The following ZC3H4 variants were observed in gnomAD, a reference collection of about 807,000 sequenced individuals.
The protein encoded by ZC3H4 is zinc finger CCCH domain-containing protein 4.
Under a neutral mutation model 108.3 loss-of-function variants are expected in ZC3H4, and 13 were observed. The ratio of observed to expected loss-of-function variants is 0.12; its 90% CI spans 0.08 to 0.19. The LOEUF is 0.19. ZC3H4 is among the 10% of genes least tolerant of loss of function. The pLI, the probability that ZC3H4 is intolerant of heterozygous loss-of-function variation, is 1.00. For missense variants in ZC3H4, 1,734 were observed against 1,838.8 expected (o/e 0.94, Z 1.04); for synonymous variants, 917 against 749.6 (o/e 1.22, Z -3.65).
chr19:47,103,301 ATTAT>A (rs377754791), intron 2 of ZC3H4, among the ~76,000 whole-genome samples: 44 of 152,188 alleles, frequency 2.9e-4, no homozygotes, highest in East Asian at 2.3e-3. Context: ...TTTGTTTATA[ATTAT>A]TTATTTATTT....
At chr19:47,068,200 A>C (rs1443166889) in intron 14 of ZC3H4, among the ~76,000 whole-genome samples, 1 of 152,254 alleles carries the variant, frequency 6.6e-6, no homozygotes, top group Non-Finnish European at 1.5e-5. Flanking sequence ...GTGCCGTTAC[A>C]TTGGAGTCAG....
chr19:47,106,415 T>C (rs2057968740), intron 2 of ZC3H4, among the ~76,000 whole-genome samples: 1 of 152,156 alleles, frequency 6.6e-6, no homozygotes, highest in Non-Finnish European at 1.5e-5. Flanking sequence ...GAGGTGCCAC[T>C]GCATTCCAGC....
chr19:47,083,052 T>C (rs2057551839), intron 9 of ZC3H4, among the ~76,000 whole-genome samples: 1 of 152,094 alleles, frequency 6.6e-6, no homozygotes, highest in African/African-American at 2.4e-5. Context: ...TTAATTTATT[T>C]ACTTATTTTT....
intron 11 of ZC3H4, among the ~76,000 whole-genome samples, chr19:47,073,889 G>A (rs993135399): frequency 1.1e-4 from 17 of 152,158 alleles, no homozygotes; most frequent in Non-Finnish European, 2.9e-5. Context: ...TGTTTTTTAT[G>A]GCTGAATCAT....
intron 2 of ZC3H4, chr19:47,111,009 C>T: frequency 1.3e-6 from 1 of 783,138 alleles, no homozygotes; most frequent in Non-Finnish European, 1.5e-6. Flanking sequence ...AGGGGTCGTA[C>T]GTACAGCCTG....
intron 3 of ZC3H4, 60 bp downstream of exon 3, chr19:47,094,329 T>C (rs1272905522): frequency 1.3e-6 from 2 of 1,589,696 alleles, no homozygotes; most frequent in East Asian, 2.2e-5. Flanking sequence ...GCTCAGCCCC[T>C]GGGGCTCTCA....
Position 47,069,257 on chromosome 19 carries a change from C to G in ZC3H4, c.2233G>C (p.Glu745Gln), listed in dbSNP as rs774732550. 71 of 1,613,802 alleles carry G rather than the reference C, an allele frequency of 4.4e-5. No homozygotes were observed. Among genetic ancestry groups the G allele is most frequent in the Non-Finnish European group, 5.8e-5 (68 of 1,179,950 alleles). The change falls in exon 14 of 15, where the codon GAG (glutamate) becomes CAG (glutamine). Residue 745 changes from glutamate to glutamine, a missense_variant. By Grantham distance (29) the Glu-to-Gln change is conservative. Coordinates refer to ENST00000253048, the MANE Select transcript of ZC3H4 (RefSeq NM_015168.2). ...TTCGGCCGGCCTGGGGGCCCTCCCT[C>G]AGAGAAGCTGTCGGGCTCCAGAGGG... is the stretch of plus-strand genomic sequence containing the variant. Reference protein sequence around the residue: ...EHPLEPDSFSEGGPPGRPKPG... With the variant: ...EHPLEPDSFSQGGPPGRPKPG...
In ZC3H4 at chr19:47,094,459, T is replaced by C. The variant is rs758254251; in HGVS notation, c.311A>G (p.Lys104Arg). ...CTCCCGCTCTTTCTTCCGTTTCCGCTTCAGTCTCCTGTGGGACTTCTCCTC... is the reference window on the plus strand; with the variant it reads ...CTCCCGCTCTTTCTTCCGTTTCCGCCTCAGTCTCCTGTGGGACTTCTCCTC... ...SDEEKSHRRL[K>R]RKRKKEREKE... The change falls in exon 3 of 15, where the codon AAG becomes AGG. Residue 104 changes from lysine to arginine, a missense_variant. Transcript: ENST00000253048. 8 of 1,614,090 alleles carry C rather than the reference T, an allele frequency of 5.0e-6. No homozygotes were observed. The South Asian group carries it at 8.8e-5, about 18-fold the overall frequency.
rs181682851 is a variant in ZC3H4 at position 47,095,648 on chromosome 19, G to C, written c.162-1040C>G. Among the ~76,000 whole-genome samples, 301 of 152,298 alleles carry C rather than the reference G, an allele frequency of 2.0e-3. 1 individual carries two copies. Among genetic ancestry groups the C allele is most frequent in the Admixed American group, 7.4e-3 (113 of 15,290 alleles). On this transcript the variant is annotated intron_variant, in intron 2 of 14. Transcript: ENST00000253048. ...ATGTAAATATCTATGGGGTGGGGTA[G>C]GAGTGAGGAAGAAATTGGGTTCAGG... is the stretch of plus-strand genomic sequence containing the variant.
chr19:47,086,398 C>T lies in ZC3H4; in HGVS notation c.856G>A (p.Glu286Lys), dbSNP rs201516068. 2.5e-6 allele frequency: 4 copies of T among 1,613,466 alleles called. No individual in the cohort carries two copies. Among genetic ancestry groups the T allele is most frequent in the Middle Eastern group, 1.6e-4 (1 of 6,084 alleles). Residue 286 changes from glutamate to lysine, a missense_variant, in exon 6 of 15, where the codon GAG (glutamate) becomes AAG (lysine). By Grantham distance (56) the Glu-to-Lys change is moderately conservative. This residue lies in a region of ZC3H4 where 403 missense variants were observed against 457.0 expected (regional missense o/e 0.88). Transcript: ENST00000253048. ...GGAAACCTTACGTCCATCTCTTCCTCGTAGAAATCCTCTTCATCCTCCGGG... is the reference window on the plus strand; with the variant it reads ...GGAAACCTTACGTCCATCTCTTCCTTGTAGAAATCCTCTTCATCCTCCGGG... The part of the protein sequence containing the change: ...DHPEDEEDFY[E>K]EEMDYGESEE...
chr19:47,074,774 G>A (rs2057389418), intron 11 of ZC3H4, among the ~76,000 whole-genome samples: 2 of 152,220 alleles, frequency 1.3e-5, no homozygotes, highest in East Asian at 1.9e-4. Flanking sequence ...CATGCCACTC[G>A]TGCTGTCACA....
In ZC3H4 at chr19:47,070,113, G is replaced by A. The variant is rs996929463; in HGVS notation, c.2147-770C>T. Among the ~76,000 whole-genome samples, 49 of 151,068 alleles carry A rather than the reference G, an allele frequency of 3.2e-4. 1 individual carries two copies. The highest frequency in any genetic ancestry group is 1.2e-3 in the African/African-American group (47 of 40,476). ...GTGTGTGACACATGTGAGCATGGGA[G>A]ACATCGAATCACCGAAACGGAGGGG... On this transcript the variant is annotated intron_variant, in intron 13 of 14. Coordinates refer to ENST00000253048, the MANE Select transcript of ZC3H4 (RefSeq NM_015168.2).
At chr19:47,102,465 C>A (rs904415163) in intron 2 of ZC3H4, among the ~76,000 whole-genome samples, 1 of 152,150 alleles carries the variant, frequency 6.6e-6, no homozygotes, top group Non-Finnish European at 1.5e-5. Context: ...GAATGAGGTA[C>A]CAAGACTTTG....
chr19:47,078,394 G>C (rs983263530), intron 11 of ZC3H4, among the ~76,000 whole-genome samples: 3 of 151,526 alleles, frequency 2.0e-5, no homozygotes, highest in Non-Finnish European at 2.9e-5. Context: ...CAAGGCAGGA[G>C]AATCGCTTGA....
chr19:47,100,913 G>A (rs1357322805), intron 2 of ZC3H4, among the ~76,000 whole-genome samples: 5 of 152,032 alleles, frequency 3.3e-5, no homozygotes, highest in Admixed American at 3.3e-4. Context: ...GGCCAGGCTG[G>A]TCTCGAACTC....
intron 11 of ZC3H4, among the ~76,000 whole-genome samples, chr19:47,076,766 G>T (rs1005616285): frequency 6.6e-6 from 1 of 151,996 alleles, no homozygotes; most frequent in Non-Finnish European, 1.5e-5. Context: ...AGGCAGAGCC[G>T]AGCAGATCAC....
intron 2 of ZC3H4, among the ~76,000 whole-genome samples, chr19:47,098,486 C>CAAAAA (rs142251542): frequency 1.0e-5 from 1 of 100,256 alleles, no homozygotes. Flanking sequence ...AACTGTGTCT[C>CAAAAA]AAAAAAAAAA....
At chr19:47,095,759 A>C (rs1403046479) in intron 2 of ZC3H4, among the ~76,000 whole-genome samples, 1 of 152,170 alleles carries the variant, frequency 6.6e-6, no homozygotes, top group Admixed American at 6.5e-5. Flanking sequence ...AAAGGAAAAA[A>C]ACAATCTTTT....
chr19:47,089,873 G>A (rs2122947159), intron 5 of ZC3H4, 94 bp downstream of exon 5: 3 of 1,339,834 alleles, frequency 2.2e-6, no homozygotes, highest in Middle Eastern at 4.7e-4. Context: ...CCAACCCTAA[G>A]TGACCAAACT....
Sources: gnomAD v4.1 joint callset for allele counts (sites outside exome capture counted in the v4.1 genomes callset) on GRCh38, gnomAD v4.1.1 for gene constraint, gnomAD v4.1.1 regional missense constraint, MANE v1.5 for transcripts, NCBI Gene and HGNC (gene_info 2026-07-23, HGNC 2026-07-21) for gene names.